The following THSD7B variants were observed in gnomAD, a reference collection of about 807,000 sequenced individuals.
THSD7B encodes the protein thrombospondin type 1 domain containing 7B, also known as thrombospondin type-1 domain-containing protein 7B.
In THSD7B, 138 loss-of-function variants were observed where a neutral mutation model predicts 213.6. The ratio of observed to expected loss-of-function variants is 0.65; its 90% CI spans 0.56 to 0.74. The LOEUF (loss-of-function observed/expected upper bound fraction) is 0.74, where lower values mean the gene tolerates loss of function less well. Ranked by LOEUF, THSD7B falls within the 30% of genes least tolerant of loss-of-function variation. The probability of loss-of-function intolerance (pLI) is 0.00; values close to 1 mark genes in which losing one functional copy is unlikely to be tolerated. For missense variants in THSD7B, 1,931 were observed against 1,991.5 expected (o/e 0.97, Z 0.58); for synonymous variants, 742 against 687.0 (o/e 1.08, Z -1.25).
chr2:137,246,518 A>G (rs1018456609), intron 10 of THSD7B, among the ~76,000 whole-genome samples: 1 of 152,170 alleles, frequency 6.6e-6, no homozygotes, highest in South Asian at 2.1e-4. Context: ...GTCAGGTTTT[A>G]TTTTGTCCCG....
At chr2:137,263,692 A>G (rs1303197488) in intron 10 of THSD7B, among the ~76,000 whole-genome samples, 1 of 152,190 alleles carries the variant, frequency 6.6e-6, no homozygotes, top group African/African-American at 2.4e-5. Context: ...GATAGATAGA[A>G]TCTTTAGCTC....
chr2:137,162,995 T>C (rs926818634), intron 6 of THSD7B, among the ~76,000 whole-genome samples: 4 of 152,144 alleles, frequency 2.6e-5, no homozygotes, highest in African/African-American at 9.7e-5. Context: ...TTCTGTGTTG[T>C]GTTTTTTTGT....
chr2:137,219,982 A>G (rs535739014), intron 7 of THSD7B, among the ~76,000 whole-genome samples: 3 of 152,186 alleles, frequency 2.0e-5, no homozygotes, highest in Non-Finnish European at 2.9e-5. Context: ...GGTGAAAACT[A>G]GTGTTGGTGT....
chr2:137,111,619 G>C (rs1471064323), intron 4 of THSD7B, among the ~76,000 whole-genome samples: 1 of 152,146 alleles, frequency 6.6e-6, no homozygotes, highest in Non-Finnish European at 1.5e-5. Context: ...CATTAGTGCG[G>C]TGCCTGGTAT....
At chr2:136,778,156 A>T (rs752964873) in intron 1 of THSD7B, among the ~76,000 whole-genome samples, 2 of 152,102 alleles carry the variant, frequency 1.3e-5, no homozygotes, top group Non-Finnish European at 2.9e-5. Context: ...ATTTGCTTTC[A>T]CCCTCCTCAT....
chr2:136,842,521 A>G (rs775972320), intron 1 of THSD7B, among the ~76,000 whole-genome samples: 2 of 152,242 alleles, frequency 1.3e-5, no homozygotes, highest in African/African-American at 2.4e-5. Flanking sequence ...GATTTCAGGG[A>G]AAACAGGATA....
At chr2:137,056,147 C>T (rs1687159445) in intron 2 of THSD7B, among the ~76,000 whole-genome samples, 1 of 152,108 alleles carries the variant, frequency 6.6e-6, no homozygotes, top group Non-Finnish European at 1.5e-5. Flanking sequence ...TTCTACAAGT[C>T]GGTGCTTTTA....
intron 12 of THSD7B, among the ~76,000 whole-genome samples, chr2:137,330,761 G>A (rs564318133): frequency 8.3e-4 from 126 of 152,152 alleles, no homozygotes; most frequent in African/African-American, 2.6e-3. Flanking sequence ...TGCAAAGAGC[G>A]AAAGAACAAA....
chr2:136,948,311 G>A (rs1684977441), intron 2 of THSD7B, among the ~76,000 whole-genome samples: 1 of 152,044 alleles, frequency 6.6e-6, no homozygotes, highest in Admixed American at 6.6e-5. Flanking sequence ...GACCTGTCAG[G>A]CAAGGCCCTT....
chr2:136,840,720 A>G (rs1001942082), intron 1 of THSD7B, among the ~76,000 whole-genome samples: 11 of 152,150 alleles, frequency 7.2e-5, no homozygotes, highest in African/African-American at 2.7e-4. Flanking sequence ...GAGGGGTATG[A>G]TCCAAGTTAT....
chr2:137,361,034 T>C (rs1205533340), intron 12 of THSD7B, among the ~76,000 whole-genome samples: 1 of 152,200 alleles, frequency 6.6e-6, no homozygotes, highest in Non-Finnish European at 1.5e-5. Context: ...CAATATATGC[T>C]GTTCTGCAAT....
chr2:137,584,380 C>G (rs112135036), intron 17 of THSD7B, among the ~76,000 whole-genome samples: 33,826 of 151,254 alleles, frequency 0.22, 3,930 homozygotes, highest in Middle Eastern at 0.32. Flanking sequence ...ACTATGAATA[C>G]GAGTGGTGTG....
At chr2:136,910,754 T>A (rs182654371) in intron 2 of THSD7B, among the ~76,000 whole-genome samples, 23 of 152,258 alleles carry the variant, frequency 1.5e-4, no homozygotes, top group Admixed American at 5.2e-4. Context: ...TTGTAAATAT[T>A]ACCCCAAATG....
At chr2:137,160,650 G>A (rs932917735) in intron 6 of THSD7B, among the ~76,000 whole-genome samples, 2 of 152,146 alleles carry the variant, frequency 1.3e-5, no homozygotes, top group African/African-American at 2.4e-5. Context: ...CCAAGATGAG[G>A]TCTTGCTCTG....
intron 2 of THSD7B, among the ~76,000 whole-genome samples, chr2:136,887,609 C>G (rs1186424318): frequency 1.3e-5 from 2 of 152,034 alleles, no homozygotes; most frequent in East Asian, 3.9e-4. Context: ...CCATGTGACA[C>G]ACTGGCTCTC....
chr2:137,087,606 C>A (rs1000738355), intron 3 of THSD7B, among the ~76,000 whole-genome samples: 2 of 152,098 alleles, frequency 1.3e-5, no homozygotes, highest in Admixed American at 6.6e-5. Flanking sequence ...AAGTGAAAGA[C>A]CTCTACAAGG....
At chr2:137,603,484 G>A (rs1298918667) in intron 17 of THSD7B, among the ~76,000 whole-genome samples, 1 of 152,096 alleles carries the variant, frequency 6.6e-6, no homozygotes, top group African/African-American at 2.4e-5. Context: ...GTACTTGGAA[G>A]GTCTTAGTCA....
intron 15 of THSD7B, among the ~76,000 whole-genome samples, chr2:137,478,908 G>A (rs1330361068): frequency 6.6e-6 from 1 of 152,176 alleles, no homozygotes; most frequent in African/African-American, 2.4e-5. Flanking sequence ...GCTGGTGACA[G>A]GGATGTCAAG....
At chr2:137,472,082 G>A (rs748962037) in intron 15 of THSD7B, among the ~76,000 whole-genome samples, 2 of 152,154 alleles carry the variant, frequency 1.3e-5, no homozygotes, top group Admixed American at 6.5e-5. Context: ...GGAGTTTAAG[G>A]CCTTTGGTTA....
Sources: gnomAD v4.1 joint callset for allele counts (sites outside exome capture counted in the v4.1 genomes callset) on GRCh38, gnomAD v4.1.1 for gene constraint, MANE v1.5 for transcripts, NCBI Gene and HGNC (gene_info 2026-07-23, HGNC 2026-07-21) for gene names.